ENPP6: variants seen among roughly 807,000 people sequenced by gnomAD.
The protein encoded by ENPP6 is ectonucleotide pyrophosphatase/phosphodiesterase 6.
ENPP6 carries 32 observed loss-of-function variants against 42.0 expected under a neutral mutation model. That is an observed-to-expected ratio of 0.76 (90% CI 0.58 to 1.02). The LOEUF (loss-of-function observed/expected upper bound fraction) is 1.02. Ranked by LOEUF, ENPP6 falls within the 50% of genes least tolerant of loss-of-function variation. The pLI is 0.00. For synonymous variants in ENPP6, 213 were observed against 216.0 expected (o/e 0.99, Z 0.12); for missense variants, 552 against 566.8 (o/e 0.97, Z 0.27).
At position 184,146,423 on chromosome 4, in the gene ENPP6, C is replaced by T. The variant is rs36085702; in HGVS notation, c.421+7131G>A. On this transcript the variant is annotated intron_variant, in intron 2 of 7. Coordinates refer to ENST00000296741, the MANE Select transcript of ENPP6 (RefSeq NM_153343.4). Reference sequence around the variant, plus strand: ...CCAGCCTGGGCTCCAGAGCGAGACTCCGTTTCAAAAAAAAAAAAGAAAGAA... The same window carrying T: ...CCAGCCTGGGCTCCAGAGCGAGACTTCGTTTCAAAAAAAAAAAAGAAAGAA... Among the ~76,000 whole-genome samples, 916 of 113,384 alleles carry T rather than the reference C, an allele frequency of 8.1e-3. 5 individuals are homozygous for T. The highest frequency in any genetic ancestry group is 0.012 in the Non-Finnish European group (620 of 49,946). 74.4% of individuals were successfully genotyped at this position (113,384 alleles called of 152,430 possible). A position where few individuals can be genotyped will look rare whatever the true frequency, so the allele number is the denominator to read the frequency against.
chr4:184,143,068 A>C lies in ENPP6; in HGVS notation c.421+10486T>G, dbSNP rs576615159. Among the ~76,000 whole-genome samples the C allele has an allele frequency of 1.3e-3, 199 of 152,220 alleles. 1 individual carries two copies. The South Asian group carries it at 0.039, about 30-fold the overall frequency. ...GCTTCCCACAAAGGAAGCCCTCTTG[A>C]CTTTCTGCACCACACGGTTTTCCTG... On this transcript the variant is annotated intron_variant, in intron 2 of 7. Coordinates refer to ENST00000296741, the MANE Select transcript of ENPP6 (RefSeq NM_153343.4).
chr4:184,101,097 G>A (rs1260944608), intron 6 of ENPP6, among the ~76,000 whole-genome samples: 3 of 152,100 alleles, frequency 2.0e-5, no homozygotes, highest in African/African-American at 7.2e-5. Context: ...TCAGTCAGTG[G>A]GGACGCAGCT....
At chr4:184,153,190 A>G (rs1468107567) in intron 2 of ENPP6, among the ~76,000 whole-genome samples, 2 of 151,168 alleles carry the variant, frequency 1.3e-5, no homozygotes, top group East Asian at 3.9e-4. Flanking sequence ...CAATGGCGCA[A>G]TCTCAGCTCA....
chr4:184,183,631 G>A (rs112674624), intron 1 of ENPP6, among the ~76,000 whole-genome samples: 121 of 152,274 alleles, frequency 7.9e-4, no homozygotes, highest in African/African-American at 2.9e-3. Flanking sequence ...TTCTTTTCAG[G>A]ACAGTTTCAA....
At chr4:184,144,310 T>G (rs891411401) in intron 2 of ENPP6, among the ~76,000 whole-genome samples, 3 of 152,078 alleles carry the variant, frequency 2.0e-5, no homozygotes, top group African/African-American at 7.2e-5. Context: ...CTCTGGGGAG[T>G]TGGGCTGGCA....
intron 1 of ENPP6, among the ~76,000 whole-genome samples, chr4:184,174,072 C>T (rs934770935): frequency 5.3e-5 from 8 of 151,182 alleles, no homozygotes; most frequent in Admixed American, 1.3e-4. Flanking sequence ...GGAAGAGGCA[C>T]GATCCGATGC....
At chr4:184,206,231 G>A (rs1732993893) in intron 1 of ENPP6, among the ~76,000 whole-genome samples, 1 of 145,554 alleles carries the variant, frequency 6.9e-6, no homozygotes, top group Non-Finnish European at 1.5e-5. Flanking sequence ...TCTGTGAACA[G>A]CCCCTCAAAG....
At chr4:184,142,987 T>G (rs576517479) in intron 2 of ENPP6, among the ~76,000 whole-genome samples, 1 of 152,326 alleles carries the variant, frequency 6.6e-6, no homozygotes, top group African/African-American at 2.4e-5. Context: ...GGTCTTTGTG[T>G]CTGAGGCACG....
At chr4:184,124,752 T>A (rs992307938) in intron 2 of ENPP6, among the ~76,000 whole-genome samples, 4 of 152,228 alleles carry the variant, frequency 2.6e-5, no homozygotes, top group African/African-American at 9.6e-5. Context: ...AAAAGCTAAC[T>A]GGACTTAGAG....
At chr4:184,161,710 A>G (rs1464977588) in intron 1 of ENPP6, among the ~76,000 whole-genome samples, 1 of 152,232 alleles carries the variant, frequency 6.6e-6, no homozygotes, top group Admixed American at 6.5e-5. Flanking sequence ...CGTGAAAAGG[A>G]ATGAAATAAT....
At chr4:184,145,855 GCCAGTGACTGC>G (rs1315143491) in intron 2 of ENPP6, among the ~76,000 whole-genome samples, 1 of 152,168 alleles carries the variant, frequency 6.6e-6, no homozygotes, top group African/African-American at 2.4e-5. Context: ...ACCCATAGGG[GCCAGTGACTGC>G]CCAAGAATAA....
At chr4:184,098,181 G>A (rs1262378405) in intron 6 of ENPP6, among the ~76,000 whole-genome samples, 1 of 152,230 alleles carries the variant, frequency 6.6e-6, no homozygotes, top group Non-Finnish European at 1.5e-5. Flanking sequence ...ACCTGAAGTA[G>A]GGTCATGTGA....
At chr4:184,167,180 A>G (rs1737363076) in intron 1 of ENPP6, among the ~76,000 whole-genome samples, 1 of 152,144 alleles carries the variant, frequency 6.6e-6, no homozygotes, top group Admixed American at 6.5e-5. Flanking sequence ...CAGTGGTGCG[A>G]TCTCGGCTCA....
chr4:184,198,438 G>A (rs1732839282), intron 1 of ENPP6, among the ~76,000 whole-genome samples: 1 of 152,212 alleles, frequency 6.6e-6, no homozygotes, highest in African/African-American at 2.4e-5. Context: ...ACTAGGGGAG[G>A]TCTCATAGAT....
At chr4:184,096,906 T>C (rs1735920285) in intron 7 of ENPP6, among the ~76,000 whole-genome samples, 1 of 152,092 alleles carries the variant, frequency 6.6e-6, no homozygotes, top group Admixed American at 6.6e-5. Context: ...AGCAACCTGG[T>C]GTCCAGTAAG....
intron 1 of ENPP6, among the ~76,000 whole-genome samples, chr4:184,161,933 C>T (rs1737267928): frequency 1.3e-5 from 2 of 152,102 alleles, no homozygotes; most frequent in African/African-American, 4.8e-5. Flanking sequence ...GTACAGTGTA[C>T]ACTGCTTGGG....
intron 1 of ENPP6, among the ~76,000 whole-genome samples, chr4:184,180,962 TTC>T (rs1247449752): frequency 1.3e-5 from 2 of 152,084 alleles, no homozygotes; most frequent in African/African-American, 4.8e-5. Flanking sequence ...GACAAGGGTG[TTC>T]TCTCTCACCA....
At chr4:184,112,382 A>G (rs1284128781) in intron 6 of ENPP6, among the ~76,000 whole-genome samples, 1 of 152,174 alleles carries the variant, frequency 6.6e-6, no homozygotes, top group African/African-American at 2.4e-5. Context: ...TCCACTTTCA[A>G]GCGAACAGGT....
chr4:184,156,183 G>T (rs919451476), intron 1 of ENPP6, among the ~76,000 whole-genome samples: 1 of 152,030 alleles, frequency 6.6e-6, no homozygotes, highest in Non-Finnish European at 1.5e-5. Flanking sequence ...GAGATGGGAG[G>T]GTGTGCTGTC....
Sources: gnomAD v4.1 joint callset for allele counts (sites outside exome capture counted in the v4.1 genomes callset) on GRCh38, gnomAD v4.1.1 for gene constraint, MANE v1.5 for transcripts, NCBI Gene and HGNC (gene_info 2026-07-23, HGNC 2026-07-21) for gene names.